Variants in CAPN6 observed in about 807,000 individuals in gnomAD.
CAPN6 encodes calpain 6, also known as calpain-6.
A neutral mutation model predicts 46.0 loss-of-function variants in CAPN6; 16 were observed. The ratio of observed to expected loss-of-function variants is 0.35; its 90% CI spans 0.24 to 0.53. The LOEUF (loss-of-function observed/expected upper bound fraction) is 0.53, where lower values mean the gene tolerates loss of function less well. Ranked by LOEUF, CAPN6 falls within the 20% of genes least tolerant of loss-of-function variation. The probability of loss-of-function intolerance (pLI) is 0.94; values close to 1 mark genes in which losing one functional copy is unlikely to be tolerated. For missense variants in CAPN6, 461 were observed against 498.0 expected (o/e 0.93, Z 0.71); for synonymous variants, 206 against 172.8 (o/e 1.19, Z -1.51).
In CAPN6 at chrX:111,252,426, C is replaced by G; in HGVS notation, c.580G>C (p.Ala194Pro). Residue 194 changes from alanine (A) to proline (P), a missense_variant, in exon 5 of 13, where the codon GCT becomes CCT. Transcript: ENST00000324068. The part of the protein sequence containing the change: ...DIIVDFTGTL[A>P]ETVDMQKGRY... Reference sequence around the variant, plus strand: ...CCTTTCTGCATGTCAACAGTTTCAGCCAATGTGCCCGTGAAGTCCACAATA... The same window carrying G: ...CCTTTCTGCATGTCAACAGTTTCAGGCAATGTGCCCGTGAAGTCCACAATA... 1 of 1,210,486 alleles carries G rather than the reference C, an allele frequency of 8.3e-7. No homozygotes were observed. Among genetic ancestry groups the G allele is most frequent in the Non-Finnish European group, 1.1e-6 (1 of 894,403 alleles).
At chrX:111,251,833 T>C in intron 5 of CAPN6, 91 bp from the exon 6 acceptor site, 1 of 735,262 alleles carries the variant, frequency 1.4e-6, no homozygotes, top group East Asian at 3.2e-5. Context: ...CCCAGTAGGA[T>C]TGAAGCTAGT....
intron 2 of CAPN6, among the ~76,000 whole-genome samples, chrX:111,261,104 G>A (rs778546435): frequency 8.9e-6 from 1 of 112,579 alleles, no homozygotes; most frequent in South Asian, 3.7e-4. Context: ...AGAGGAATAT[G>A]AGAACTGACT....
At chrX:111,266,259 A>AAAAG (rs2094991891) in intron 1 of CAPN6, among the ~76,000 whole-genome samples, 1 of 102,622 alleles carries the variant, frequency 9.7e-6, no homozygotes, top group African/African-American at 3.4e-5. Context: ...AAAAAAAAAA[A>AAAAG]GTGACCCGCA....
At chrX:111,256,557 G>A (rs916104080) in intron 2 of CAPN6, among the ~76,000 whole-genome samples, 18 of 111,937 alleles carry the variant, frequency 1.6e-4, no homozygotes, top group Non-Finnish European at 7.5e-5. Flanking sequence ...AGTGGTTGGA[G>A]ATACATTATG....
At position 111,247,899 on chromosome X, in the gene CAPN6, C is replaced by T. The variant is rs1268235830; in HGVS notation, c.1578G>A (p.Glu526=). 2.5e-6 allele frequency: 3 copies of T among 1,211,153 alleles called. No individual in the cohort carries two copies. Among genetic ancestry groups the T allele is most frequent in the Admixed American group, 2.2e-5 (1 of 46,068 alleles). The change falls in exon 11 of 13, where the codon GAG becomes GAA. Residue 526 remains glutamate, a synonymous_variant. Transcript: ENST00000324068. The part of the protein sequence containing the change: ...VVTQITVHSA[E]DLEKKYANET... The stretch of plus-strand genomic sequence containing the variant: ...CATTGGCATACTTCTTCTCCAGGTC[C>T]TCAGCACTGTGAACAGTGATCTGAG...
chrX:111,255,776 G>C (rs946265751), intron 2 of CAPN6, among the ~76,000 whole-genome samples: 3 of 111,880 alleles, frequency 2.7e-5, no homozygotes, highest in African/African-American at 9.8e-5. Flanking sequence ...GTCCAAGCTG[G>C]AGATTAACTG....
chrX:111,269,000 G>T (rs776792579), intron 1 of CAPN6, among the ~76,000 whole-genome samples: 88 of 112,220 alleles, frequency 7.8e-4, no homozygotes, highest in African/African-American at 2.6e-3. Context: ...CTTCTCACAA[G>T]AATGCACTTA....
intron 6 of CAPN6, 86 bp downstream of exon 6, chrX:111,251,463 G>C: frequency 1.1e-6 from 1 of 927,586 alleles, no homozygotes; most frequent in Non-Finnish European, 1.5e-6. Flanking sequence ...ACTGAGCATT[G>C]ACAGCACACT....
chrX:111,265,158 C>T (rs977529306), intron 1 of CAPN6, among the ~76,000 whole-genome samples: 9 of 112,137 alleles, frequency 8.0e-5, no homozygotes, highest in African/African-American at 2.6e-4. Context: ...GTGAGGCAGT[C>T]GCTGTTTTAT....
chrX:111,262,556 C>G (rs1401141303), intron 2 of CAPN6, among the ~76,000 whole-genome samples: 1 of 111,848 alleles, frequency 8.9e-6, no homozygotes, highest in Non-Finnish European at 1.9e-5. Flanking sequence ...TAAATAGGAC[C>G]TGAATGTCTT....
chrX:111,258,997 C>A lies in CAPN6; in HGVS notation c.166-4594G>T, dbSNP rs1023514712. Reference sequence around the variant, plus strand: ...CAGAATAGGCAGTTCTGGATAGAAACCAAAAGTACATTAGTGGTTGGCTGC... The same window carrying A: ...CAGAATAGGCAGTTCTGGATAGAAAACAAAAGTACATTAGTGGTTGGCTGC... On this transcript the variant is annotated intron_variant, in intron 2 of 12. Transcript: ENST00000324068. Among the ~76,000 whole-genome samples the A allele has an allele frequency of 4.5e-5, 5 of 111,473 alleles. No individual in the cohort carries two copies. The South Asian group carries it at 1.1e-3, about 25-fold the overall frequency.
At chrX:111,269,344 T>C (rs754256080) in intron 1 of CAPN6, among the ~76,000 whole-genome samples, 1 of 112,226 alleles carries the variant, frequency 8.9e-6, no homozygotes, top group Non-Finnish European at 1.9e-5. Flanking sequence ...TAATTAGCAG[T>C]CCACAAATAA....
chrX:111,264,707 TAA>T (rs68122134), intron 1 of CAPN6, among the ~76,000 whole-genome samples: 5 of 99,848 alleles, frequency 5.0e-5, no homozygotes, highest in Non-Finnish European at 2.0e-5. Context: ...TTCTTTTCTT[TAA>T]AAAAAAAAAA....
intron 10 of CAPN6, 122 bp downstream of exon 10, chrX:111,248,447 A>T: frequency 1.9e-6 from 1 of 539,599 alleles, no homozygotes; most frequent in South Asian, 2.9e-5. Flanking sequence ...ATTTCAGTGA[A>T]TCAAGTCTGA....
intron 3 of CAPN6, 50 bp downstream of exon 3, chrX:111,254,222 A>G: frequency 9.0e-7 from 1 of 1,107,548 alleles, no homozygotes; most frequent in Non-Finnish European, 1.2e-6. Flanking sequence ...AAGTTATTAA[A>G]GAAGACAAGA....
At chrX:111,246,816 G>T (rs2094974928) in intron 12 of CAPN6, 57 bp from the exon 13 acceptor site, 1 of 986,770 alleles carries the variant, frequency 1.0e-6, no homozygotes, top group South Asian at 2.3e-5. Flanking sequence ...ATTAGCCTTT[G>T]CCCAGTGACA....
chrX:111,250,053 GGT>G (rs2094977825), intron 8 of CAPN6, among the ~76,000 whole-genome samples: 1 of 110,953 alleles, frequency 9.0e-6, no homozygotes. Flanking sequence ...GAGGTGAGGT[GGT>G]GTGTGTGGGG....
chrX:111,254,849 A>G (rs1418163529), intron 2 of CAPN6, among the ~76,000 whole-genome samples: 1 of 112,207 alleles, frequency 8.9e-6, no homozygotes, highest in Non-Finnish European at 1.9e-5. Flanking sequence ...GGTCTAATGA[A>G]GGTTAACATT....
Position 111,254,402 on chromosome X carries a change from T to A in CAPN6, c.167A>T (p.Asp56Val). 1 of 1,196,079 alleles carries A rather than the reference T, an allele frequency of 8.4e-7. No individual in the cohort carries two copies. The change falls in exon 3 of 13, where the codon GAC becomes GTC. Residue 56 changes from aspartate to valine, a missense_variant and splice_region_variant. Transcript: ENST00000324068. Reference protein sequence around the residue: ...PGKVVWKRPQDICDDPHLIVG... With the variant: ...PGKVVWKRPQVICDDPHLIVG... ...AATCAGATGGGGGTCATCACAGATG[T>A]CCTATGAATACAATAATTGGTTATA...
Sources: allele counts gnomAD v4.1 joint callset (sites outside exome capture counted in the v4.1 genomes callset), GRCh38; gene constraint gnomAD v4.1.1; transcripts MANE v1.5; gene names NCBI Gene and HGNC (gene_info 2026-07-23, HGNC 2026-07-21).